Variants in PIK3R5 observed in about 807,000 individuals in gnomAD.
PIK3R5 encodes the protein phosphoinositide-3-kinase regulatory subunit 5, also known as phosphoinositide 3-kinase regulatory subunit 5.
PIK3R5 carries 32 observed loss-of-function variants against 94.9 expected under a neutral mutation model. The observed-to-expected ratio is 0.34, with a 90% CI of 0.25 to 0.45. The LOEUF (loss-of-function observed/expected upper bound fraction) is 0.45. Among genes scored for constraint, PIK3R5 ranks in the 20% least tolerant of loss-of-function variants. PIK3R5 has a pLI of 1.00. For missense variants in PIK3R5, 853 were observed against 1,144.6 expected, an observed-to-expected ratio of 0.75 and a Z score of 3.68; for synonymous variants, 443 against 479.4, an observed-to-expected ratio of 0.92 and a Z score of 0.99.
rs2091136584 is a variant in PIK3R5 at position 8,939,534 on chromosome 17, A to C, written c.-14+26062T>G. ...AGCAGTGAGTCTAATCACTGTGATC[A>C]CCTAAACGTAGTAAAGAGCATGAAT... On this transcript the variant is annotated intron_variant, in intron 1 of 18. Coordinates refer to ENST00000447110, the MANE Select transcript of PIK3R5 (RefSeq NM_001142633.3). Among the ~76,000 whole-genome samples the C allele has an allele frequency of 4.6e-5, 7 of 152,304 alleles. No individual in the cohort carries two copies. The South Asian group carries it at 1.5e-3, about 32-fold the overall frequency.
chr17:8,880,997 T>C lies in PIK3R5; in HGVS notation c.2403A>G (p.Lys801=). 2 of 1,614,084 alleles carry C rather than the reference T, an allele frequency of 1.2e-6. No homozygotes were observed. The highest frequency in any genetic ancestry group is 1.7e-6 in the Non-Finnish European group (2 of 1,179,936). Residue 801 remains lysine, a synonymous_variant, in exon 18 of 19, where the codon AAA becomes AAG. Transcript: ENST00000447110. The part of the protein sequence containing the change: ...GFNQISTSQI[K]VDKVQIIGSN... Reference sequence around the variant, plus strand: ...AGCCGATGATCTGCACCTTGTCCACTTTGATCTGCGATGTGCTAATCTGGA... The same window carrying C: ...AGCCGATGATCTGCACCTTGTCCACCTTGATCTGCGATGTGCTAATCTGGA...
At chr17:8,887,976 G>C (rs1438949967) in intron 10 of PIK3R5, among the ~76,000 whole-genome samples, 195 bp downstream of exon 10, 5 of 147,990 alleles carry the variant, frequency 3.4e-5, no homozygotes, top group Non-Finnish European at 5.9e-5. Flanking sequence ...ACTCCAGCCC[G>C]GGCAACAGAG....
At chr17:8,916,178 C>G (rs1233425365) in intron 1 of PIK3R5, 1 of 152,388 alleles carries the variant, frequency 6.6e-6, no homozygotes, top group Admixed American at 6.5e-5. Flanking sequence ...AGGGGACCCT[C>G]AGCTGAGCTG....
intron 3 of PIK3R5, among the ~76,000 whole-genome samples, chr17:8,907,565 C>CTA (rs1478710181): frequency 7.2e-4 from 107 of 149,284 alleles, no homozygotes; most frequent in African/African-American, 2.4e-3. Context: ...TTTATACTAT[C>CTA]TATATATATA....
intron 1 of PIK3R5, among the ~76,000 whole-genome samples, chr17:8,961,354 G>C (rs1431781611): frequency 6.6e-6 from 1 of 152,054 alleles, no homozygotes; most frequent in African/African-American, 2.4e-5. Context: ...ACTCACGCAG[G>C]CCGGGCGCGG....
rs748547550 is a variant in PIK3R5 at position 8,887,540 on chromosome 17, G to C, written c.1760C>G (p.Pro587Arg). 15 of 1,607,344 alleles carry C rather than the reference G, an allele frequency of 9.3e-6. No homozygotes were observed. The highest frequency in any genetic ancestry group is 1.3e-5 in the Non-Finnish European group (15 of 1,177,206). ...SQTPSPPTDS[P>R]RHASPGELGT... is the part of the protein sequence containing the mutation. Reference sequence around the variant, plus strand: ...ACATACTCCAGGGCTGGCGTGCCTAGGGGAGTCTGTCGGGGGTGAGGGCGT... The same window carrying C: ...ACATACTCCAGGGCTGGCGTGCCTACGGGAGTCTGTCGGGGGTGAGGGCGT... The change falls in exon 11 of 19, where the codon CCT becomes CGT. Residue 587 changes from proline (P) to arginine (R), a missense_variant. This residue lies in a region of PIK3R5 where 319 missense variants were observed against 339.8 expected (regional missense o/e 0.94). Transcript: ENST00000447110.
At position 8,909,986 on chromosome 17, in the gene PIK3R5, T is replaced by G. The variant is rs1035689104; in HGVS notation, c.104-812A>C. Among the ~76,000 whole-genome samples, 1 of 152,244 alleles carries G rather than the reference T, an allele frequency of 6.6e-6. No homozygotes were observed. On this transcript the variant is annotated intron_variant, in intron 2 of 18. Transcript: ENST00000447110. The surrounding 1 kb of genome is among the most constrained non-coding windows in gnomAD (Gnocchi z 4.3). The stretch of plus-strand genomic sequence containing the variant: ...GCAATGGAGCCCAGGAAGGGGAAGC[T>G]AAACGAGTTCTATTTTAAAAGCTGC...
intron 1 of PIK3R5, among the ~76,000 whole-genome samples, chr17:8,932,602 A>G (rs1044587480): frequency 2.0e-5 from 3 of 152,230 alleles, no homozygotes; most frequent in African/African-American, 7.2e-5. Context: ...TCTGAAAAGA[A>G]AAGTTCATTG....
intron 1 of PIK3R5, among the ~76,000 whole-genome samples, chr17:8,956,797 C>G (rs2091473569): frequency 6.6e-6 from 1 of 152,148 alleles, no homozygotes; most frequent in South Asian, 2.1e-4. Context: ...GATAGGTTGG[C>G]CCCAAGATCT....
chr17:8,885,100 G>A (rs557400412), intron 14 of PIK3R5: 67 of 333,404 alleles, frequency 2.0e-4, no homozygotes, highest in Non-Finnish European at 3.3e-4. Flanking sequence ...CCCCATCTCC[G>A]CTGTGATCAC....
chr17:8,914,599 C>G (rs1249199792), intron 1 of PIK3R5, among the ~76,000 whole-genome samples: 1 of 152,208 alleles, frequency 6.6e-6, no homozygotes, highest in Non-Finnish European at 1.5e-5. Flanking sequence ...AGAGGGCTTT[C>G]AGAGAAGTCC....
intron 1 of PIK3R5, among the ~76,000 whole-genome samples, chr17:8,917,637 G>A (rs1461030979): frequency 3.3e-5 from 5 of 152,182 alleles, no homozygotes; most frequent in African/African-American, 7.2e-5. Flanking sequence ...AGGCCAACGC[G>A]GGTGGATCAC....
rs1451650922 is a variant in PIK3R5 at position 8,885,671 on chromosome 17, CCCA to C, written c.2128+555_2128+557del. 3.4e-3 allele frequency among the ~76,000 whole-genome samples: 384 copies of C among 113,376 alleles called. 13 individuals are homozygous for C. The highest frequency in any genetic ancestry group is 0.011 in the Middle Eastern group (2 of 184). The allele number at this position is 113,376 out of a possible 152,430, so 74.4% of individuals were successfully genotyped here. On this transcript the variant is annotated intron_variant, in intron 14 of 18. Transcript: ENST00000447110. ...CCCCGCCTCCCCAGGGCCCCGCCTCCCCATGGCCCTGCCTCCTAGGTAACCCCG... is the reference window on the plus strand; with the variant it reads ...CCCCGCCTCCCCAGGGCCCCGCCTCCTGGCCCTGCCTCCTAGGTAACCCCG...
chr17:8,891,753 C>T (rs1308406636), intron 6 of PIK3R5, among the ~76,000 whole-genome samples: 2 of 151,426 alleles, frequency 1.3e-5, no homozygotes, highest in Non-Finnish European at 2.9e-5. Flanking sequence ...CCCGCCACCA[C>T]GCCCAGCTAA....
In PIK3R5 at chr17:8,884,278, C is replaced by T. The variant is rs1211617940; in HGVS notation, c.2205+429G>A. Among the ~76,000 whole-genome samples the T allele has an allele frequency of 6.6e-6, 1 of 152,072 alleles. No individual in the cohort carries two copies. The highest frequency in any genetic ancestry group is 1.9e-4 in the East Asian group (1 of 5,186). Reference sequence around the variant, plus strand: ...TGTCTTCTGGCATGTCATGGACAGCCCTCCACCTCCCCACAGCTCTCCTCA... The same window carrying T: ...TGTCTTCTGGCATGTCATGGACAGCTCTCCACCTCCCCACAGCTCTCCTCA... On this transcript the variant is annotated intron_variant, in intron 15 of 18. Coordinates refer to ENST00000447110, the MANE Select transcript of PIK3R5 (RefSeq NM_001142633.3). This position sits in a 1 kb window ranked among gnomAD's most constrained non-coding sequence, Gnocchi z 5.8.
In PIK3R5 at chr17:8,909,582, C is replaced by T. The variant is rs551029190; in HGVS notation, c.104-408G>A. Among the ~76,000 whole-genome samples the T allele has an allele frequency of 7.7e-4, 118 of 152,314 alleles. No homozygotes were observed. Among genetic ancestry groups the T allele is most frequent in the African/African-American group, 2.6e-3 (107 of 41,572 alleles). On this transcript the variant is annotated intron_variant, in intron 2 of 18. Transcript: ENST00000447110. The surrounding 1 kb of genome is among the most constrained non-coding windows in gnomAD (Gnocchi z 4.3). ...GATTATAGGCGTGAGCCACTGCACCCGGCCTGGAACACTCCTTTCTAAAGT... is the reference window on the plus strand; with the variant it reads ...GATTATAGGCGTGAGCCACTGCACCTGGCCTGGAACACTCCTTTCTAAAGT...
rs1341107603 is a variant in PIK3R5, at chr17:8,935,606, A to C, written c.-13-24099T>G. 1.3e-5 allele frequency among the ~76,000 whole-genome samples: 2 copies of C among 152,238 alleles called. No individual in the cohort carries two copies. Among genetic ancestry groups the C allele is most frequent in the South Asian group, 4.1e-4 (2 of 4,822 alleles). ...GGATAATTTATATTTCTATTAATTTATTTCTTTCTGTACATTGTGCTCTCC... is the reference window on the plus strand; with the variant it reads ...GGATAATTTATATTTCTATTAATTTCTTTCTTTCTGTACATTGTGCTCTCC... On this transcript the variant is annotated intron_variant, in intron 1 of 18. Transcript: ENST00000447110. This position sits in a 1 kb window ranked among gnomAD's most constrained non-coding sequence, Gnocchi z 4.5.
In PIK3R5 at chr17:8,893,090, G is replaced by A. The variant is rs1304953612; in HGVS notation, c.482+496C>T. On this transcript the variant is annotated intron_variant, in intron 6 of 18. Transcript: ENST00000447110. The surrounding 1 kb of genome is among the most constrained non-coding windows in gnomAD (Gnocchi z 5.1). ...TGTGTGTGTGTGTGTGTGTGTTTGTGTATCAGGCTGTCATATAAAATGGAT... is the reference window on the plus strand; with the variant it reads ...TGTGTGTGTGTGTGTGTGTGTTTGTATATCAGGCTGTCATATAAAATGGAT... Among the ~76,000 whole-genome samples, 2 of 148,206 alleles carry A rather than the reference G, an allele frequency of 1.3e-5. 1 individual carries two copies. Among genetic ancestry groups the A allele is most frequent in the South Asian group, 4.2e-4 (2 of 4,724 alleles).
rs187349614 is a variant in PIK3R5, at chr17:8,925,401, G to A, written c.-13-13894C>T. On this transcript the variant is annotated intron_variant, in intron 1 of 18. Transcript: ENST00000447110. This position sits in a 1 kb window ranked among gnomAD's most constrained non-coding sequence, Gnocchi z 5.1. ...TAGATAGATAGATAGTAGATGGAGA[G>A]ATAGTAGATGGATAGGTAGATAGTA... Among the ~76,000 whole-genome samples the A allele has an allele frequency of 6.6e-6, 1 of 151,722 alleles. No individual in the cohort carries two copies. The highest frequency in any genetic ancestry group is 2.4e-5 in the African/African-American group (1 of 41,158).
Sources: gnomAD v4.1 joint callset for allele counts (sites outside exome capture counted in the v4.1 genomes callset) on GRCh38, gnomAD v4.1.1 for gene constraint, gnomAD v4.1.1 regional missense constraint, Gnocchi (gnomAD v3.1) non-coding constraint, MANE v1.5 for transcripts, NCBI Gene and HGNC (gene_info 2026-07-23, HGNC 2026-07-21) for gene names.